The following LATS2 variants were observed in gnomAD, a reference collection of about 807,000 sequenced individuals.
LATS2 encodes large tumor suppressor kinase 2.
LATS2 carries 24 observed loss-of-function variants against 76.0 expected under a neutral mutation model. That is an observed-to-expected ratio of 0.32 (90% CI 0.23 to 0.44). LATS2 has a LOEUF of 0.44. Among genes scored for constraint, LATS2 ranks in the 20% least tolerant of loss-of-function variants. The pLI is 1.00. For missense variants in LATS2, 1,286 were observed against 1,481.2 expected (o/e 0.87, Z 2.16); for synonymous variants, 692 against 635.4 (o/e 1.09, Z -1.34).
Position 20,991,992 on chromosome 13 carries a change from C to A in LATS2, c.343-588G>T, listed in dbSNP as rs563001. ...AAAACAGGGGCCCATGGAGCCACAC[C>A]GGTCCAGGACAGGTAGCTCAAACTG... is the stretch of plus-strand genomic sequence containing the variant. On this transcript the variant is annotated intron_variant, in intron 2 of 7. Coordinates refer to ENST00000382592, the MANE Select transcript of LATS2 (RefSeq NM_014572.3). The surrounding 1 kb of genome is among the most constrained non-coding windows in gnomAD (Gnocchi z 4.9). Among the ~76,000 whole-genome samples the A allele has an allele frequency of 0.71, 108,012 of 152,112 alleles. 39,490 individuals are homozygous for A. The highest frequency in any genetic ancestry group is 0.83 in the Middle Eastern group (245 of 294).
At chr13:20,977,385 CA>C (rs112150926) in intron 7 of LATS2, among the ~76,000 whole-genome samples, 12,899 of 81,786 alleles carry the variant, frequency 0.16, 1,126 homozygotes, top group East Asian at 0.55. Flanking sequence ...AACCCTGTCT[CA>C]AAAAAAAAAA....
At chr13:21,014,380 G>C (rs1268208204) in intron 2 of LATS2, among the ~76,000 whole-genome samples, 1 of 152,060 alleles carries the variant, frequency 6.6e-6, no homozygotes, top group African/African-American at 2.4e-5. Context: ...TGACAACCAG[G>C]GTCAACAAAC....
At position 20,975,367 on chromosome 13, in the gene LATS2, G is replaced by T; in HGVS notation, c.2773-3C>A. ...AGCGTGTTCTCCCAGTTGATCACCT[G>T]AGGAAACAACAGAGCCAACAGGTTA... On this transcript the variant is annotated splice_polypyrimidine_tract_variant and splice_region_variant and intron_variant, in intron 7 of 7. Coordinates refer to ENST00000382592, the MANE Select transcript of LATS2 (RefSeq NM_014572.3). 1 of 1,545,800 alleles carries T rather than the reference G, an allele frequency of 6.5e-7. No individual in the cohort carries two copies. Among genetic ancestry groups the T allele is most frequent in the Non-Finnish European group, 8.7e-7 (1 of 1,147,354 alleles).
intron 2 of LATS2, among the ~76,000 whole-genome samples, chr13:21,009,001 T>G (rs1381418951): frequency 6.6e-6 from 1 of 152,198 alleles, no homozygotes; most frequent in Non-Finnish European, 1.5e-5. Flanking sequence ...CGTTGTATAG[T>G]GTTTTAACAG....
rs1260620459 is a variant in LATS2 at position 21,007,557 on chromosome 13, A to AC, written c.343-16154_343-16153insG. 3.1e-4 allele frequency among the ~76,000 whole-genome samples: 5 copies of AC among 16,058 alleles called. 1 individual carries two copies. Among genetic ancestry groups the AC allele is most frequent in the Non-Finnish European group, 4.2e-4 (5 of 11,970 alleles). The allele number at this position is 16,058 out of a possible 152,430, so 10.5% of individuals were successfully genotyped here. ...ATATATATATATAGTATATATATAT[A>AC]TATATATATATATATATATATATAT... On this transcript the variant is annotated intron_variant, in intron 2 of 7. Coordinates refer to ENST00000382592, the MANE Select transcript of LATS2 (RefSeq NM_014572.3).
At chr13:20,995,493 T>C (rs532817178) in intron 2 of LATS2, among the ~76,000 whole-genome samples, 1 of 152,214 alleles carries the variant, frequency 6.6e-6, no homozygotes, top group Non-Finnish European at 1.5e-5. Flanking sequence ...CAGGTATGTG[T>C]TCTGGTGTCT....
At chr13:20,975,779 G>A (rs111365815) in intron 7 of LATS2, among the ~76,000 whole-genome samples, 5,489 of 152,108 alleles carry the variant, frequency 0.036, 339 homozygotes, top group African/African-American at 0.12. Flanking sequence ...CGCCTCCTGG[G>A]TTCAAGCGAT....
intron 1 of LATS2, among the ~76,000 whole-genome samples, chr13:21,057,636 A>G (rs4536322): frequency 2.6e-4 from 34 of 132,406 alleles, no homozygotes; most frequent in African/African-American, 1.0e-3. Flanking sequence ...TACTAAAAGT[A>G]AAAAAAAAAA....
intron 2 of LATS2, among the ~76,000 whole-genome samples, chr13:21,027,051 C>T (rs1438621506): frequency 1.3e-5 from 2 of 152,084 alleles, no homozygotes; most frequent in African/African-American, 2.4e-5. Context: ...AAATCTTTTG[C>T]CCATTTTTAA....
chr13:21,010,321 A>C (rs1871541679), intron 2 of LATS2, among the ~76,000 whole-genome samples: 1 of 151,706 alleles, frequency 6.6e-6, no homozygotes, highest in Non-Finnish European at 1.5e-5. Context: ...ACCCCCACAC[A>C]CCCTGCAGAT....
intron 2 of LATS2, among the ~76,000 whole-genome samples, chr13:21,021,329 C>T (rs1380625207): frequency 2.0e-5 from 3 of 151,626 alleles, no homozygotes; most frequent in Admixed American, 6.6e-5. Context: ...GAAAATTAGA[C>T]GGGTGTGGTG....
intron 2 of LATS2, among the ~76,000 whole-genome samples, chr13:21,002,049 G>T (rs1009361028): frequency 1.3e-5 from 2 of 151,746 alleles, no homozygotes; most frequent in African/African-American, 4.8e-5. Context: ...GAGTAGCTGG[G>T]ACCACAGGTG....
In LATS2 at chr13:20,979,617, TGACCAAA is replaced by T. The variant is rs1869776871; in HGVS notation, c.2772+67_2772+73del. On this transcript the variant is annotated intron_variant, in intron 7 of 7. Transcript: ENST00000382592. The stretch of plus-strand genomic sequence containing the variant: ...CTACTCAGAATAAGAGGGCAAATGC[TGACCAAA>T]GATTCATGGGTACATGAGCAAATCA... 8.1e-6 allele frequency: 6 copies of T among 745,296 alleles called. No individual in the cohort carries two copies. The East Asian group carries it at 1.6e-4, about 20-fold the overall frequency. The allele number at this position is 745,296 out of a possible 1,614,324, so 46.2% of individuals were successfully genotyped here. A position where few individuals can be genotyped will look rare whatever the true frequency, so the allele number is the denominator to read the frequency against.
intron 4 of LATS2, among the ~76,000 whole-genome samples, chr13:20,985,848 C>T (rs1870115697): frequency 1.3e-5 from 2 of 151,668 alleles, no homozygotes; most frequent in South Asian, 2.1e-4. Flanking sequence ...AAGTTTGAGA[C>T]CAGCCTGAAC....
At chr13:21,046,711 T>C (rs1565965358) in intron 1 of LATS2, among the ~76,000 whole-genome samples, 1 of 152,116 alleles carries the variant, frequency 6.6e-6, no homozygotes, top group South Asian at 2.1e-4. Flanking sequence ...TTAGAAAACT[T>C]TCTGAACTTT....
chr13:21,014,017 AGAG>A (rs1432907075), intron 2 of LATS2, among the ~76,000 whole-genome samples: 2 of 151,668 alleles, frequency 1.3e-5, no homozygotes, highest in Admixed American at 1.3e-4. Context: ...GAGGAAGAGA[AGAG>A]GAGGAAGAGG....
chr13:21,056,960 A>G (rs1873467131), intron 1 of LATS2, among the ~76,000 whole-genome samples: 1 of 152,222 alleles, frequency 6.6e-6, no homozygotes, highest in South Asian at 2.1e-4. Context: ...ACAGCCAAAA[A>G]ATGTTGGGGA....
chr13:21,058,150 G>T (rs1476055961), intron 1 of LATS2, among the ~76,000 whole-genome samples: 1 of 152,058 alleles, frequency 6.6e-6, no homozygotes, highest in African/African-American at 2.4e-5. Flanking sequence ...AGAATATTTC[G>T]GTACTTTTTA....
intron 2 of LATS2, among the ~76,000 whole-genome samples, chr13:21,040,073 CAAAA>C (rs930634193): frequency 8.1e-6 from 1 of 123,846 alleles, no homozygotes. Context: ...AACTCCATCT[CAAAA>C]AAAAAAAAAA....
Sources: gnomAD v4.1 joint callset for allele counts (sites outside exome capture counted in the v4.1 genomes callset) on GRCh38, gnomAD v4.1.1 for gene constraint, Gnocchi (gnomAD v3.1) non-coding constraint, MANE v1.5 for transcripts, NCBI Gene and HGNC (gene_info 2026-07-23, HGNC 2026-07-21) for gene names.